The following SFSWAP variants were observed in gnomAD, a reference collection of about 807,000 sequenced individuals.
SFSWAP encodes splicing factor SWAP.
A neutral mutation model predicts 100.7 loss-of-function variants in SFSWAP; 17 were observed. That is an observed-to-expected ratio of 0.17 (90% CI 0.12 to 0.25). SFSWAP has a LOEUF of 0.25. Ranked by LOEUF, SFSWAP falls within the 10% of genes least tolerant of loss-of-function variation. The probability of loss-of-function intolerance (pLI) is 1.00; values close to 1 mark genes in which losing one functional copy is unlikely to be tolerated. For synonymous variants in SFSWAP, 504 were observed against 510.1 expected (o/e 0.99, Z 0.16); for missense variants, 1,005 against 1,262.6 (o/e 0.80, Z 3.09).
intron 15 of SFSWAP, among the ~76,000 whole-genome samples, chr12:131,789,833 C>T (rs1305672683): frequency 6.6e-6 from 1 of 152,236 alleles, no homozygotes; most frequent in Non-Finnish European, 1.5e-5. Context: ...CTTCCCATTG[C>T]ATCACAGATC....
At chr12:131,750,558 C>A (rs1881531182) in intron 7 of SFSWAP, among the ~76,000 whole-genome samples, 1 of 152,186 alleles carries the variant, frequency 6.6e-6, no homozygotes, top group African/African-American at 2.4e-5. Flanking sequence ...CAAGGGTGTG[C>A]CCAGAGCATT....
At chr12:131,724,541 A>AT (rs1878780286) in intron 4 of SFSWAP, among the ~76,000 whole-genome samples, 1 of 152,280 alleles carries the variant, frequency 6.6e-6, no homozygotes, top group African/African-American at 2.4e-5. Context: ...TTAACCATCC[A>AT]TTTTTAATGA....
chr12:131,795,824 G>T (rs887425777), intron 15 of SFSWAP, among the ~76,000 whole-genome samples: 1 of 151,188 alleles, frequency 6.6e-6, no homozygotes. Flanking sequence ...CCCCCTTCAG[G>T]TTGGCACATT....
In SFSWAP at chr12:131,753,166, C is replaced by A; in HGVS notation, c.1125C>A (p.Asp375Glu). ...ATTACAGCTACTACATGCTACCGGA[C>A]GGCACTTACTGCCTGGCGCCGCCCC... ...AMYYSYYMLP[D>E]GTYCLAPPPP... The change falls in exon 8 of 18, where the codon GAC becomes GAA. Residue 375 changes from aspartate (D) to glutamate (E), a missense_variant. Physicochemically the swap from Asp to Glu is conservative, Grantham distance 45. Around this residue, in one of 7 missense-constraint regions of SFSWAP, gnomAD observed 311 missense variants for 317.8 expected, o/e 0.98. Coordinates refer to ENST00000261674, the MANE Select transcript of SFSWAP (RefSeq NM_004592.4). The A allele has an allele frequency of 6.2e-7, 1 of 1,614,124 alleles. No individual in the cohort carries two copies. Among genetic ancestry groups the A allele is most frequent in the Non-Finnish European group, 8.5e-7 (1 of 1,179,986 alleles).
At chr12:131,721,659 T>C (rs1878489056) in intron 4 of SFSWAP, among the ~76,000 whole-genome samples, 1 of 152,220 alleles carries the variant, frequency 6.6e-6, no homozygotes, top group Admixed American at 6.5e-5. Flanking sequence ...TTGCCTTAAT[T>C]CCTATTAAAA....
At chr12:131,777,585 A>G (rs998809430) in intron 13 of SFSWAP, among the ~76,000 whole-genome samples, 14 of 152,306 alleles carry the variant, frequency 9.2e-5, no homozygotes, top group African/African-American at 3.1e-4. Context: ...GCTATTGTGA[A>G]GAGTGCCACA....
chr12:131,740,656 A>G (rs1413371441), intron 7 of SFSWAP, among the ~76,000 whole-genome samples: 1 of 152,148 alleles, frequency 6.6e-6, no homozygotes, highest in Non-Finnish European at 1.5e-5. Context: ...GACTGTGTCC[A>G]TCTTCCCTGT....
At chr12:131,781,538 A>G (rs1029634951) in intron 14 of SFSWAP, among the ~76,000 whole-genome samples, 12 of 152,118 alleles carry the variant, frequency 7.9e-5, no homozygotes, top group African/African-American at 2.4e-4. Flanking sequence ...CGCCCGGCCT[A>G]TATTATTTTT....
rs1364360333 is a variant in SFSWAP at position 131,730,361 on chromosome 12, C to G, written c.1081+1933C>G. Among the ~76,000 whole-genome samples the G allele has an allele frequency of 1.3e-5, 2 of 152,238 alleles. No individual in the cohort carries two copies. The highest frequency in any genetic ancestry group is 2.9e-5 in the Non-Finnish European group (2 of 68,046). On this transcript the variant is annotated intron_variant, in intron 7 of 17. Transcript: ENST00000261674. This position sits in a 1 kb window ranked among gnomAD's most constrained non-coding sequence, Gnocchi z 4.0. ...AAATGCATTGTCCGTGCACGTCCACCAGATCCCTGAAGCTGCTGCAAAGCA... is the reference window on the plus strand; with the variant it reads ...AAATGCATTGTCCGTGCACGTCCACGAGATCCCTGAAGCTGCTGCAAAGCA...
intron 13 of SFSWAP, among the ~76,000 whole-genome samples, chr12:131,776,070 C>G (rs1454203898): frequency 6.6e-6 from 1 of 152,128 alleles, no homozygotes; most frequent in Non-Finnish European, 1.5e-5. Context: ...CCACTGCACT[C>G]CACCCCGGCA....
At chr12:131,723,586 G>A (rs946297742) in intron 4 of SFSWAP, among the ~76,000 whole-genome samples, 5 of 152,030 alleles carry the variant, frequency 3.3e-5, no homozygotes, top group African/African-American at 9.7e-5. Flanking sequence ...CCCTAACCCC[G>A]TGAGGAGAGG....
intron 11 of SFSWAP, chr12:131,758,128 G>A (rs973639314): frequency 6.5e-6 from 1 of 152,904 alleles, no homozygotes; most frequent in Admixed American, 6.5e-5. Context: ...TGCTGCCCCA[G>A]GGTTTGTGAG....
At chr12:131,790,133 A>T (rs1297105559) in intron 15 of SFSWAP, among the ~76,000 whole-genome samples, 1 of 151,892 alleles carries the variant, frequency 6.6e-6, no homozygotes, top group Non-Finnish European at 1.5e-5. Flanking sequence ...TTTAAATCTC[A>T]CCGTGGACTC....
chr12:131,799,005 T>C, intron 16 of SFSWAP, 32 bp from the exon 17 acceptor site: 47 of 1,557,592 alleles, frequency 3.0e-5, no homozygotes, highest in Non-Finnish European at 4.2e-5. Context: ...TTCACACGGT[T>C]GTAAGCTCTG....
rs375554524 is a variant in SFSWAP at position 131,714,000 on chromosome 12, A to G, written c.219-71A>G. 40 of 1,130,080 alleles carry G rather than the reference A, an allele frequency of 3.5e-5. No homozygotes were observed. The East Asian group carries it at 5.6e-4, about 16-fold the overall frequency. 70.0% of individuals were successfully genotyped at this position (1,130,080 alleles called of 1,614,324 possible). On this transcript the variant is annotated intron_variant, in intron 1 of 17. Transcript: ENST00000261674. ...TGTGTGTGTATATATATATACATAT[A>G]TAAAACATCACACACGCACACCAGT...
intron 15 of SFSWAP, among the ~76,000 whole-genome samples, chr12:131,786,844 C>T (rs1359408773): frequency 6.6e-6 from 1 of 152,210 alleles, no homozygotes; most frequent in Non-Finnish European, 1.5e-5. Context: ...TCCAGCTTTC[C>T]ACTGTGCTGG....
At chr12:131,781,478 C>G in intron 14 of SFSWAP, among the ~76,000 whole-genome samples, 1 of 151,942 alleles carries the variant, frequency 6.6e-6, no homozygotes, top group Non-Finnish European at 1.5e-5. Flanking sequence ...ACCTCATGAT[C>G]CACCCGCCTC....
rs1257808303 is a variant in SFSWAP, at chr12:131,783,994, A to T, written c.2409-2469A>T. The T allele has an allele frequency of 2.0e-5, 3 of 151,562 alleles. No homozygotes were observed. In the East Asian group the frequency reaches 5.9e-4, roughly 30 times the overall value. 9.4% of individuals were successfully genotyped at this position (151,562 alleles called of 1,614,324 possible). On this transcript the variant is annotated intron_variant, in intron 14 of 17. Coordinates refer to ENST00000261674, the MANE Select transcript of SFSWAP (RefSeq NM_004592.4). ...CTCACTGCCCTTTTTACCCACAATA[A>T]ATTGCATAGCAAATCCGTAAAAGCG...
rs778535160 is a variant in SFSWAP, at chr12:131,711,316, G to A, written c.87G>A (p.Gly29=). 9.3e-6 allele frequency: 15 copies of A among 1,613,494 alleles called. No individual in the cohort carries two copies. In the Admixed American group the frequency reaches 2.2e-4, roughly 23 times the overall value. ...CCGGGCCAGGCGGTGCCGGCGGTGG[G>A]GGCAGCCGAGTGGAGCTCTTGGTTT... ...EEAGPGGAGG[G]GSRVELLVFG... is the part of the protein sequence containing the mutation. Residue 29 remains glycine (G), a synonymous_variant, in exon 1 of 18, where the codon GGG becomes GGA. Coordinates refer to ENST00000261674, the MANE Select transcript of SFSWAP (RefSeq NM_004592.4). This position sits in a 1 kb window ranked among gnomAD's most constrained non-coding sequence, Gnocchi z 4.9.
Sources: allele counts gnomAD v4.1 joint callset (sites outside exome capture counted in the v4.1 genomes callset), GRCh38; gene constraint gnomAD v4.1.1; regional missense constraint gnomAD v4.1.1; non-coding constraint Gnocchi (gnomAD v3.1); transcripts MANE v1.5; gene names NCBI Gene and HGNC (gene_info 2026-07-23, HGNC 2026-07-21).